Variants in RARB observed in about 807,000 individuals in gnomAD.
The protein encoded by RARB is retinoic acid receptor beta, also known as HBV-activated protein.
RARB carries 17 observed loss-of-function variants against 51.9 expected under a neutral mutation model. The observed-to-expected ratio is 0.33, with a 90% CI of 0.22 to 0.49. The LOEUF (loss-of-function observed/expected upper bound fraction) is 0.49, where lower values mean the gene tolerates loss of function less well. Ranked by LOEUF, RARB falls within the 20% of genes least tolerant of loss-of-function variation. RARB has a pLI of 0.99. For synonymous variants in RARB, 215 were observed against 195.4 expected, an observed-to-expected ratio of 1.10 and a Z score of -0.84; for missense variants, 369 against 550.8, an observed-to-expected ratio of 0.67 and a Z score of 3.30.
intron 3 of RARB, among the ~76,000 whole-genome samples, chr3:25,093,866 C>G (rs910807714): frequency 1.3e-5 from 2 of 152,164 alleles, no homozygotes; most frequent in African/African-American, 4.8e-5. Flanking sequence ...CTAGCCACCC[C>G]TTTCTCTTTG....
chr3:25,442,941 C>G (rs1415540087), intron 1 of RARB, among the ~76,000 whole-genome samples: 2 of 152,100 alleles, frequency 1.3e-5, no homozygotes, highest in African/African-American at 4.8e-5. Flanking sequence ...TTCAACTCAG[C>G]TTGAACATTT....
At chr3:25,260,163 C>G (rs1356318603) in intron 5 of RARB, among the ~76,000 whole-genome samples, 8 of 152,126 alleles carry the variant, frequency 5.3e-5, no homozygotes, top group Non-Finnish European at 1.0e-4. Flanking sequence ...GCAGTGTTCC[C>G]TGGAATAGGG....
chr3:25,184,006 A>G (rs1438072280), intron 5 of RARB, among the ~76,000 whole-genome samples: 1 of 152,134 alleles, frequency 6.6e-6, no homozygotes, highest in Non-Finnish European at 1.5e-5. Context: ...TCACCACATT[A>G]AACTTTACTA....
chr3:25,023,916 G>T (rs1188045897), intron 2 of RARB, among the ~76,000 whole-genome samples: 1 of 152,190 alleles, frequency 6.6e-6, no homozygotes, highest in African/African-American at 2.4e-5. Flanking sequence ...GAGTGTGACT[G>T]TGTGTGTATG....
intron 2 of RARB, among the ~76,000 whole-genome samples, chr3:25,474,345 T>G (rs555243517): frequency 6.6e-6 from 1 of 152,246 alleles, no homozygotes; most frequent in Non-Finnish European, 1.5e-5. Flanking sequence ...CTGGGGACTT[T>G]GCGATTATGG....
intron 3 of RARB, among the ~76,000 whole-genome samples, chr3:25,553,979 C>G (rs1040222614): frequency 2.6e-5 from 4 of 151,982 alleles, no homozygotes; most frequent in African/African-American, 9.7e-5. Flanking sequence ...TAGAAAGAAG[C>G]CCATGTCACC....
rs80199737 is a variant in RARB at position 25,561,203 on chromosome 3, T to C, written c.449-8555T>C. ...AGACCTATGGGGAACAGTGCCATAA[T>C]TTCTGTGTGTTGTAACAGATGTGGG... is the stretch of plus-strand genomic sequence containing the variant. On this transcript the variant is annotated intron_variant, in intron 3 of 7. Transcript: ENST00000330688. 8.7e-3 allele frequency among the ~76,000 whole-genome samples: 1,324 copies of C among 152,328 alleles called. 15 individuals carry two copies. The highest frequency in any genetic ancestry group is 0.03 in the African/African-American group (1,257 of 41,564).
chr3:25,343,498 C>T (rs2125452344), intron 5 of RARB, among the ~76,000 whole-genome samples: 1 of 150,584 alleles, frequency 6.6e-6, no homozygotes, highest in Non-Finnish European at 1.5e-5. Context: ...TTGAATAGAA[C>T]ATGAAGCCCT....
At chr3:25,490,114 A>T (rs73046116) in intron 2 of RARB, among the ~76,000 whole-genome samples, 12,104 of 152,262 alleles carry the variant, frequency 0.079, 596 homozygotes, top group Middle Eastern at 0.17. Context: ...TTAAATGTAA[A>T]TGCCTGACTA....
At chr3:25,084,151 A>G (rs541451611) in intron 3 of RARB, among the ~76,000 whole-genome samples, 55 of 152,204 alleles carry the variant, frequency 3.6e-4, no homozygotes, top group African/African-American at 1.1e-3. Context: ...TTCACATTCT[A>G]TCTAACTCAG....
At chr3:25,175,739 C>T (rs1413030175) in intron 5 of RARB, among the ~76,000 whole-genome samples, 1 of 152,138 alleles carries the variant, frequency 6.6e-6, no homozygotes, top group Non-Finnish European at 1.5e-5. Flanking sequence ...AACAGTGACT[C>T]GATTTGCTGA....
At chr3:25,135,993 G>T (rs1178683510) in intron 4 of RARB, among the ~76,000 whole-genome samples, 1 of 151,816 alleles carries the variant, frequency 6.6e-6, no homozygotes, top group Non-Finnish European at 1.5e-5. Context: ...AAGAAGTCTT[G>T]GCATTTAGAG....
intron 4 of RARB, among the ~76,000 whole-genome samples, chr3:25,140,389 G>GT (rs1483721900): frequency 4.6e-5 from 7 of 152,088 alleles, no homozygotes; most frequent in Non-Finnish European, 8.8e-5. Context: ...AGTTTGAGAG[G>GT]TTCAAAACTC....
chr3:24,896,107 C>G (rs1374836261), intron 2 of RARB, among the ~76,000 whole-genome samples: 1 of 152,114 alleles, frequency 6.6e-6, no homozygotes, highest in African/African-American at 2.4e-5. Context: ...ATAAGTCAGA[C>G]CCAAAAGGAA....
chr3:25,260,378 C>T (rs1164783578), intron 5 of RARB, among the ~76,000 whole-genome samples: 1 of 152,016 alleles, frequency 6.6e-6, no homozygotes. Flanking sequence ...ATTGTGTTAG[C>T]CTACCATGCA....
chr3:25,411,147 A>G (rs993368603), intron 5 of RARB, among the ~76,000 whole-genome samples: 10 of 152,216 alleles, frequency 6.6e-5, no homozygotes, highest in African/African-American at 2.4e-4. Context: ...TCTTAATAAT[A>G]TATAGAAAAA....
intron 5 of RARB, among the ~76,000 whole-genome samples, chr3:25,322,582 A>G (rs886639213): frequency 1.3e-5 from 2 of 152,134 alleles, no homozygotes; most frequent in Non-Finnish European, 2.9e-5. Flanking sequence ...GATACAAACA[A>G]AATTTTTTAC....
intron 2 of RARB, among the ~76,000 whole-genome samples, chr3:25,461,604 A>C (rs1695186888): frequency 6.6e-6 from 1 of 152,218 alleles, no homozygotes; most frequent in South Asian, 2.1e-4. Context: ...AGATAATAAG[A>C]ACTGGCTAGG....
chr3:25,334,371 C>A (rs1704997596), intron 5 of RARB, among the ~76,000 whole-genome samples: 1 of 152,106 alleles, frequency 6.6e-6, no homozygotes, highest in South Asian at 2.1e-4. Context: ...GAGTTCATGT[C>A]CTTTTTAGGG....
Sources: allele counts gnomAD v4.1 joint callset (sites outside exome capture counted in the v4.1 genomes callset), GRCh38; gene constraint gnomAD v4.1.1; transcripts MANE v1.5; gene names NCBI Gene and HGNC (gene_info 2026-07-23, HGNC 2026-07-21).